AGBL4: variants seen among roughly 807,000 people sequenced by gnomAD.
The protein encoded by AGBL4 is cytosolic carboxypeptidase 6.
In AGBL4, 58 loss-of-function variants were observed where a neutral mutation model predicts 66.4. The observed-to-expected ratio is 0.87, with a 90% CI of 0.71 to 1.09. The LOEUF is 1.09. Ranked by LOEUF, AGBL4 falls within the 50% of genes least tolerant of loss-of-function variation. AGBL4 has a pLI of 0.00. For missense variants in AGBL4, 579 were observed against 631.0 expected, an observed-to-expected ratio of 0.92 and a Z score of 0.88; for synonymous variants, 234 against 222.9, an observed-to-expected ratio of 1.05 and a Z score of -0.44.
chr1:49,276,924 G>C (rs1644179790), intron 3 of AGBL4, among the ~76,000 whole-genome samples: 2 of 152,062 alleles, frequency 1.3e-5, no homozygotes, highest in African/African-American at 4.8e-5. Flanking sequence ...TGATGTTTCA[G>C]CTAAACTTCA....
Position 48,663,156 on chromosome 1 carries a change from G to T in AGBL4, c.720C>A (p.Cys240Ter). ...HPGETPSSFV[C>*]QGIIDFLVSQ... Reference sequence around the variant, plus strand: ...CTATGAGATCCTGCCACTCACCTTGGCACACAAATGATGAGGGTGTTTCCC... The same window carrying T: ...CTATGAGATCCTGCCACTCACCTTGTCACACAAATGATGAGGGTGTTTCCC... Residue 240 changes from cysteine to a stop codon, truncating the protein, a stop_gained, in exon 7 of 14, where the codon TGC becomes TGA. Coordinates refer to ENST00000371839, the MANE Select transcript of AGBL4 (RefSeq NM_032785.4). LOFTEE classifies it high-confidence loss of function. The T allele has an allele frequency of 1.9e-6, 3 of 1,613,900 alleles. No homozygotes were observed. The highest frequency in any genetic ancestry group is 2.5e-6 in the Non-Finnish European group (3 of 1,179,838).
chr1:48,795,435 T>C (rs1442163855), intron 6 of AGBL4, among the ~76,000 whole-genome samples: 1 of 152,174 alleles, frequency 6.6e-6, no homozygotes, highest in African/African-American at 2.4e-5. Context: ...TTTTCTTTTT[T>C]CTTTAACTTT....
intron 4 of AGBL4, among the ~76,000 whole-genome samples, chr1:49,182,218 C>T (rs193062149): frequency 1.6e-3 from 244 of 152,310 alleles, no homozygotes; most frequent in South Asian, 3.1e-3. Context: ...CAAAATTATA[C>T]TAAATTGCAG....
intron 3 of AGBL4, among the ~76,000 whole-genome samples, chr1:49,383,081 A>G (rs912494389): frequency 6.6e-6 from 1 of 152,226 alleles, no homozygotes; most frequent in Non-Finnish European, 1.5e-5. Flanking sequence ...CTTATGAATG[A>G]ATTTAACCAA....
intron 5 of AGBL4, among the ~76,000 whole-genome samples, chr1:49,031,416 A>G (rs1371244094): frequency 2.0e-5 from 3 of 152,168 alleles, no homozygotes; most frequent in Non-Finnish European, 2.9e-5. Context: ...ATAAATATAT[A>G]CAATTACTAT....
chr1:49,619,638 C>A (rs1236699054), intron 3 of AGBL4, among the ~76,000 whole-genome samples: 1 of 151,844 alleles, frequency 6.6e-6, no homozygotes, highest in Non-Finnish European at 1.5e-5. Flanking sequence ...ACATATGGAA[C>A]CAAAAAAGAG....
At chr1:49,914,252 T>C (rs1160607772) in intron 1 of AGBL4, among the ~76,000 whole-genome samples, 1 of 152,234 alleles carries the variant, frequency 6.6e-6, no homozygotes, top group East Asian at 1.9e-4. Flanking sequence ...AAAGCAGCCA[T>C]TTTAAAAGTT....
chr1:48,696,198 G>A (rs1353235266), intron 6 of AGBL4, among the ~76,000 whole-genome samples: 2 of 152,156 alleles, frequency 1.3e-5, no homozygotes, highest in East Asian at 3.8e-4. Context: ...TGCCCAGCTA[G>A]GGTCTGTGGG....
intron 11 of AGBL4, among the ~76,000 whole-genome samples, chr1:48,570,067 G>A (rs1644534874): frequency 6.6e-6 from 1 of 152,192 alleles, no homozygotes; most frequent in Non-Finnish European, 1.5e-5. Flanking sequence ...GCTCACTGTG[G>A]AACAGCCACT....
intron 5 of AGBL4, among the ~76,000 whole-genome samples, chr1:48,980,768 T>TC (rs1659705067): frequency 1.4e-5 from 1 of 69,726 alleles, no homozygotes; most frequent in African/African-American, 5.7e-5. Context: ...TATATATATA[T>TC]ATATATATAT....
At chr1:49,950,648 C>T (rs1417687468) in intron 1 of AGBL4, among the ~76,000 whole-genome samples, 1 of 150,868 alleles carries the variant, frequency 6.6e-6, no homozygotes, top group Non-Finnish European at 1.5e-5. Flanking sequence ...AATGAAAGTT[C>T]AACGAAGAAA....
chr1:49,343,386 A>G (rs1366785546), intron 3 of AGBL4, among the ~76,000 whole-genome samples: 2 of 152,206 alleles, frequency 1.3e-5, no homozygotes, highest in Non-Finnish European at 2.9e-5. Context: ...TGAGAGAGCA[A>G]AAAGCCTTGC....
At chr1:49,206,429 A>T (rs943884449) in intron 4 of AGBL4, among the ~76,000 whole-genome samples, 1 of 152,132 alleles carries the variant, frequency 6.6e-6, no homozygotes, top group Non-Finnish European at 1.5e-5. Flanking sequence ...TGCTGTTATT[A>T]TTATTACTTC....
intron 1 of AGBL4, among the ~76,000 whole-genome samples, chr1:49,920,111 T>G (rs565241450): frequency 3.9e-4 from 59 of 152,330 alleles, no homozygotes; most frequent in Non-Finnish European, 7.8e-4. Context: ...AAGACTTACA[T>G]GTTAGACCTA....
At chr1:48,883,442 AT>A (rs1338155084) in intron 5 of AGBL4, among the ~76,000 whole-genome samples, 1 of 152,160 alleles carries the variant, frequency 6.6e-6, no homozygotes, top group Non-Finnish European at 1.5e-5. Context: ...AAGATTACTC[AT>A]TTATAGACTG....
intron 3 of AGBL4, among the ~76,000 whole-genome samples, chr1:49,636,961 T>TG (rs1267076716): frequency 6.6e-6 from 1 of 152,200 alleles, no homozygotes; most frequent in Non-Finnish European, 1.5e-5. Context: ...ACCCGTAATC[T>TG]GGGTGGGCAC....
chr1:49,829,994 A>G (rs911234786), intron 2 of AGBL4, among the ~76,000 whole-genome samples: 1 of 151,838 alleles, frequency 6.6e-6, no homozygotes, highest in African/African-American at 2.4e-5. Flanking sequence ...ATATGTGCAC[A>G]TTTTCTTTAT....
At chr1:49,706,678 G>A (rs909702454) in intron 2 of AGBL4, among the ~76,000 whole-genome samples, 1 of 152,064 alleles carries the variant, frequency 6.6e-6, no homozygotes, top group Non-Finnish European at 1.5e-5. Flanking sequence ...TCTCATGAGG[G>A]CATTTAGTGC....
At chr1:49,502,593 C>A (rs1008696939) in intron 3 of AGBL4, among the ~76,000 whole-genome samples, 1 of 152,008 alleles carries the variant, frequency 6.6e-6, no homozygotes, top group Non-Finnish European at 1.5e-5. Flanking sequence ...AAGTTTGGAA[C>A]TTCCTAGAGA....
Sources: gnomAD v4.1 joint callset for allele counts (sites outside exome capture counted in the v4.1 genomes callset) on GRCh38, gnomAD v4.1.1 for gene constraint, MANE v1.5 for transcripts, NCBI Gene and HGNC (gene_info 2026-07-23, HGNC 2026-07-21) for gene names.